The following RXFP2 variants were observed in gnomAD, a reference collection of about 807,000 sequenced individuals.
RXFP2 encodes the protein relaxin family peptide receptor 2.
RXFP2 carries 68 observed loss-of-function variants against 88.6 expected under a neutral mutation model. The observed-to-expected ratio is 0.77, with a 90% CI of 0.63 to 0.94. The LOEUF (loss-of-function observed/expected upper bound fraction) is 0.94. Ranked by LOEUF, RXFP2 falls within the 40% of genes least tolerant of loss-of-function variation. The pLI, the probability that RXFP2 is intolerant of heterozygous loss-of-function variation, is 0.00. For missense variants in RXFP2, 791 were observed against 893.9 expected (o/e 0.88, Z 1.47); for synonymous variants, 329 against 306.8 (o/e 1.07, Z -0.76).
intron 3 of RXFP2, among the ~76,000 whole-genome samples, chr13:31,762,582 A>T (rs957259632): frequency 6.6e-6 from 1 of 152,196 alleles, no homozygotes; most frequent in Non-Finnish European, 1.5e-5. Flanking sequence ...ATATGTAGAG[A>T]CATAGATATA....
At chr13:31,796,854 G>A (rs957683399) in intron 16 of RXFP2, among the ~76,000 whole-genome samples, 1 of 152,190 alleles carries the variant, frequency 6.6e-6, no homozygotes, top group Non-Finnish European at 1.5e-5. Flanking sequence ...AACTTTTTGA[G>A]CATCAACATG....
At chr13:31,768,693 C>T (rs1187232814) in intron 5 of RXFP2, among the ~76,000 whole-genome samples, 3 of 152,154 alleles carry the variant, frequency 2.0e-5, no homozygotes, top group Non-Finnish European at 4.4e-5. Context: ...GTTCTTTATA[C>T]TCAAATATCC....
intron 3 of RXFP2, 111 bp downstream of exon 3, chr13:31,761,912 T>A: frequency 1.4e-6 from 1 of 711,674 alleles, no homozygotes; most frequent in Non-Finnish European, 2.5e-6. Flanking sequence ...CCGTTTTAGT[T>A]CAATGTATTT....
At chr13:31,771,743 G>T (rs546718538) in intron 5 of RXFP2, among the ~76,000 whole-genome samples, 1 of 149,136 alleles carries the variant, frequency 6.7e-6, no homozygotes, top group Non-Finnish European at 1.5e-5. Flanking sequence ...AGTGAGCCAA[G>T]AACTCACCAC....
chr13:31,789,644 G>C (rs1046525394), intron 14 of RXFP2, among the ~76,000 whole-genome samples: 14 of 152,218 alleles, frequency 9.2e-5, no homozygotes, highest in Non-Finnish European at 1.6e-4. Context: ...CTTTATAGTA[G>C]TTTTTGATAA....
At chr13:31,785,093 A>C (rs572879544) in intron 11 of RXFP2, among the ~76,000 whole-genome samples, 16 of 152,270 alleles carry the variant, frequency 1.1e-4, no homozygotes, top group Non-Finnish European at 1.5e-5. Flanking sequence ...GGGCCGAAGA[A>C]TCACATGGGA....
chr13:31,772,481 C>T lies in RXFP2; in HGVS notation c.498-2139C>T, dbSNP rs139171963. On this transcript the variant is annotated intron_variant, in intron 5 of 17. Coordinates refer to ENST00000298386, the MANE Select transcript of RXFP2 (RefSeq NM_130806.5). ...GTAAGTTATCCTTAGAAAAGGCATT[C>T]GGTGTAAAGTATATTAAATGGGCTT... Among the ~76,000 whole-genome samples the T allele has an allele frequency of 1.3e-4, 20 of 152,232 alleles. No homozygotes were observed. The East Asian group carries it at 3.3e-3, about 25-fold the overall frequency.
At chr13:31,763,044 A>G (rs1208500201) in intron 3 of RXFP2, among the ~76,000 whole-genome samples, 1 of 151,722 alleles carries the variant, frequency 6.6e-6, no homozygotes, top group Non-Finnish European at 1.5e-5. Context: ...AGCCATGGCA[A>G]CAGTGCCTGC....
chr13:31,799,197 A>T (rs927436006), intron 17 of RXFP2, among the ~76,000 whole-genome samples: 7 of 149,886 alleles, frequency 4.7e-5, no homozygotes, highest in Middle Eastern at 3.4e-3. Context: ...CCCCCTCCCC[A>T]CTACTGTCTC....
intron 13 of RXFP2, among the ~76,000 whole-genome samples, chr13:31,787,974 A>G (rs1226780249): frequency 6.6e-6 from 1 of 152,058 alleles, no homozygotes; most frequent in Non-Finnish European, 1.5e-5. Flanking sequence ...TCATTTACCC[A>G]TTTATTTCAC....
At chr13:31,801,079 G>C (rs2138474387) in intron 17 of RXFP2, among the ~76,000 whole-genome samples, 1 of 152,058 alleles carries the variant, frequency 6.6e-6, no homozygotes, top group South Asian at 2.1e-4. Context: ...AGGAAGAACA[G>C]AAAGATACAA....
chr13:31,751,623 C>A lies in RXFP2; in HGVS notation c.95-6635C>A, dbSNP rs116541198. 8.1e-3 allele frequency among the ~76,000 whole-genome samples: 1,232 copies of A among 152,226 alleles called. 21 individuals are homozygous for A. Among genetic ancestry groups the A allele is most frequent in the African/African-American group, 0.029 (1,185 of 41,510 alleles). ...ATGGGAATAGAATCTGGGATAATTC[C>A]CACTCAGAGGAAGAACAGCCAGTGA... On this transcript the variant is annotated intron_variant, in intron 1 of 17. Transcript: ENST00000298386.
chr13:31,752,753 C>T (rs1383280825), intron 1 of RXFP2, among the ~76,000 whole-genome samples: 1 of 152,214 alleles, frequency 6.6e-6, no homozygotes, highest in African/African-American at 2.4e-5. Context: ...GGAGCTACTT[C>T]TCCTTGGCTT....
At chr13:31,769,157 A>T (rs1248762527) in intron 5 of RXFP2, among the ~76,000 whole-genome samples, 2 of 152,230 alleles carry the variant, frequency 1.3e-5, no homozygotes, top group African/African-American at 4.8e-5. Flanking sequence ...ATCAAGAAAG[A>T]TAGTCAATAA....
intron 4 of RXFP2, 61 bp downstream of exon 4, chr13:31,765,203 A>G: frequency 9.7e-7 from 1 of 1,030,072 alleles, no homozygotes; most frequent in Non-Finnish European, 1.5e-6. Context: ...ACCAAGAAAA[A>G]ACCCAATAGT....
At chr13:31,764,577 A>G (rs1432582107) in intron 3 of RXFP2, among the ~76,000 whole-genome samples, 1 of 152,236 alleles carries the variant, frequency 6.6e-6, no homozygotes, top group East Asian at 1.9e-4. Flanking sequence ...CCTGCATCTC[A>G]ATCTTCTCAT....
intron 5 of RXFP2, among the ~76,000 whole-genome samples, chr13:31,766,483 T>C (rs773473672): frequency 3.3e-5 from 5 of 152,166 alleles, no homozygotes; most frequent in Admixed American, 6.5e-5. Flanking sequence ...GATATTAACA[T>C]ATCTGAGGAA....
chr13:31,741,795 TA>T (rs1871232617), intron 1 of RXFP2, among the ~76,000 whole-genome samples: 2 of 152,154 alleles, frequency 1.3e-5, no homozygotes, highest in Non-Finnish European at 2.9e-5. Flanking sequence ...AACTACTTTT[TA>T]AAAAACATTT....
intron 1 of RXFP2, among the ~76,000 whole-genome samples, 183 bp downstream of exon 1, chr13:31,739,889 A>T (rs1001881146): frequency 3.3e-5 from 5 of 152,120 alleles, no homozygotes; most frequent in Non-Finnish European, 5.9e-5. Flanking sequence ...TAATTTTTAG[A>T]TGCAACAAAT....
Sources: gnomAD v4.1 joint callset for allele counts (sites outside exome capture counted in the v4.1 genomes callset) on GRCh38, gnomAD v4.1.1 for gene constraint, MANE v1.5 for transcripts, NCBI Gene and HGNC (gene_info 2026-07-23, HGNC 2026-07-21) for gene names.